Variants in LEPR observed in about 807,000 individuals in gnomAD.
The protein encoded by LEPR is OB receptor.
Under a neutral mutation model 114.7 loss-of-function variants are expected in LEPR, and 56 were observed. That is an observed-to-expected ratio of 0.49 (90% CI 0.39 to 0.61). LEPR has a LOEUF of 0.61. LEPR is among the 20% of genes least tolerant of loss of function. The probability of loss-of-function intolerance (pLI) is 0.00; values close to 1 mark genes in which losing one functional copy is unlikely to be tolerated. For missense variants in LEPR, 1,202 were observed against 1,352.9 expected (o/e 0.89, Z 1.75); for synonymous variants, 443 against 461.4 (o/e 0.96, Z 0.51).
At chr1:65,530,957 C>T (rs1384301980) in intron 2 of LEPR, among the ~76,000 whole-genome samples, 1 of 78,888 alleles carries the variant, frequency 1.3e-5, no homozygotes, top group Non-Finnish European at 2.9e-5. Flanking sequence ...ATTTTTTGCC[C>T]TCTTCAATAC....
At chr1:65,518,891 T>C (rs1336503292) in intron 2 of LEPR, among the ~76,000 whole-genome samples, 998 of 85,586 alleles carry the variant, frequency 0.012, 13 homozygotes, top group Middle Eastern at 0.043. Context: ...CTTTCTTTCT[T>C]TCTTTCTTTC....
In LEPR at chr1:65,617,958, CCT is replaced by C. The variant is rs1557699196; in HGVS notation, c.2213-4_2213-3del. On this transcript the variant is annotated splice_region_variant and splice_polypyrimidine_tract_variant and intron_variant, in intron 15 of 19. Coordinates refer to ENST00000349533, the MANE Select transcript of LEPR (RefSeq NM_002303.6). Reference sequence around the variant, plus strand: ...TTAAAAATTAATTTCCTTCTTTTCCCCTCAGTAAATATCGTGCAGTCACTCAG... The same window carrying C: ...TTAAAAATTAATTTCCTTCTTTTCCCCAGTAAATATCGTGCAGTCACTCAG... The C allele has an allele frequency of 6.2e-7, 1 of 1,602,890 alleles. No individual in the cohort carries two copies. The highest frequency in any genetic ancestry group is 1.1e-5 in the South Asian group (1 of 87,694).
At chr1:65,588,717 A>G (rs1211989125) in intron 5 of LEPR, among the ~76,000 whole-genome samples, 1 of 152,024 alleles carries the variant, frequency 6.6e-6, no homozygotes, top group Non-Finnish European at 1.5e-5. Flanking sequence ...GTGCTTTCAT[A>G]TACATGATTA....
chr1:65,488,137 C>G (rs1254458589), intron 2 of LEPR, among the ~76,000 whole-genome samples: 1 of 124,352 alleles, frequency 8.0e-6, no homozygotes, highest in Non-Finnish European at 1.6e-5. Context: ...TTCCCTCCCT[C>G]CCTCTCCTTC....
intron 5 of LEPR, among the ~76,000 whole-genome samples, chr1:65,577,961 C>T (rs1654709503): frequency 6.6e-6 from 1 of 151,108 alleles, no homozygotes; most frequent in Non-Finnish European, 1.5e-5. Context: ...CCTCCTCTAG[C>T]CTCCCACCCC....
At chr1:65,571,173 C>T (rs891152138) in intron 4 of LEPR, among the ~76,000 whole-genome samples, 1 of 151,954 alleles carries the variant, frequency 6.6e-6, no homozygotes, top group Non-Finnish European at 1.5e-5. Flanking sequence ...CAAGGAATAT[C>T]TCTGAAAGAA....
intron 2 of LEPR, among the ~76,000 whole-genome samples, chr1:65,495,782 A>C (rs1368045282): frequency 1.3e-5 from 2 of 152,204 alleles, no homozygotes; most frequent in African/African-American, 4.8e-5. Flanking sequence ...ATATATGTTA[A>C]GTGGAATAAG....
intron 2 of LEPR, among the ~76,000 whole-genome samples, chr1:65,484,172 T>G (rs1000695015): frequency 6.6e-6 from 1 of 152,078 alleles, no homozygotes; most frequent in African/African-American, 2.4e-5. Context: ...ACTTTTTTAT[T>G]GTGTGTTTGT....
At chr1:65,512,204 C>T (rs2100555523) in intron 2 of LEPR, among the ~76,000 whole-genome samples, 1 of 152,244 alleles carries the variant, frequency 6.6e-6, no homozygotes, top group South Asian at 2.1e-4. Context: ...CTCCCACTCA[C>T]TACCACAAGA....
intron 2 of LEPR, among the ~76,000 whole-genome samples, chr1:65,529,991 G>A (rs527447274): frequency 1.3e-5 from 2 of 152,262 alleles, no homozygotes; most frequent in African/African-American, 4.8e-5. Context: ...GTGTGTTGAT[G>A]ATTCCGAAAG....
At chr1:65,455,066 T>G (rs1216622841) in intron 2 of LEPR, among the ~76,000 whole-genome samples, 1 of 152,254 alleles carries the variant, frequency 6.6e-6, no homozygotes, top group Non-Finnish European at 1.5e-5. Flanking sequence ...TTCTTCCAGT[T>G]GATCGCATCG....
intron 5 of LEPR, among the ~76,000 whole-genome samples, chr1:65,579,824 A>G (rs998756401): frequency 3.3e-5 from 5 of 152,166 alleles, no homozygotes; most frequent in Admixed American, 1.3e-4. Flanking sequence ...ATATAGATAT[A>G]TATAATTTCA....
chr1:65,453,585 C>T lies in LEPR; in HGVS notation c.-21+28207C>T, dbSNP rs1419727308. ...GTTGTTCAGTTTCCATGTAGTTGAGCGGTTTTGAGTGAGATTCTTAATCCT... is the reference window on the plus strand; with the variant it reads ...GTTGTTCAGTTTCCATGTAGTTGAGTGGTTTTGAGTGAGATTCTTAATCCT... On this transcript the variant is annotated intron_variant, in intron 2 of 19. Transcript: ENST00000349533. 1.2e-4 allele frequency among the ~76,000 whole-genome samples: 19 copies of T among 152,146 alleles called. No homozygotes were observed. The South Asian group carries it at 1.5e-3, about 12-fold the overall frequency.
In LEPR at chr1:65,622,687, A is replaced by G. The variant is rs17127807; in HGVS notation, c.2598-219A>G. ...CATGGTGCTTGGCACACAGCTTTCA[A>G]TAAGTATTGGCTATTTCTATTATTA... On this transcript the variant is annotated intron_variant, in intron 18 of 19. Coordinates refer to ENST00000349533, the MANE Select transcript of LEPR (RefSeq NM_002303.6). Among the ~76,000 whole-genome samples, 9,075 of 152,276 alleles carry G rather than the reference A, an allele frequency of 0.06. 609 individuals carry two copies. The highest frequency in any genetic ancestry group is 0.21 in the South Asian group (992 of 4,830).
chr1:65,579,378 G>A (rs1262214173), intron 5 of LEPR, among the ~76,000 whole-genome samples: 1 of 152,126 alleles, frequency 6.6e-6, no homozygotes, highest in Non-Finnish European at 1.5e-5. Context: ...GATAATCGAA[G>A]GGGAGCCATT....
intron 10 of LEPR, among the ~76,000 whole-genome samples, chr1:65,603,872 C>A (rs1308369060): frequency 6.6e-6 from 1 of 151,790 alleles, no homozygotes; most frequent in African/African-American, 2.4e-5. Context: ...TTTAAATTTT[C>A]TTTTCTGAGA....
At chr1:65,565,848 C>A (rs1349312084) in intron 3 of LEPR, among the ~76,000 whole-genome samples, 4 of 149,800 alleles carry the variant, frequency 2.7e-5, no homozygotes, top group Non-Finnish European at 4.5e-5. Context: ...CTCTCTCTCA[C>A]ACACACACAC....
chr1:65,525,058 T>G (rs1291418893), intron 2 of LEPR, among the ~76,000 whole-genome samples: 1 of 152,112 alleles, frequency 6.6e-6, no homozygotes, highest in African/African-American at 2.4e-5. Flanking sequence ...CTCAATCCCC[T>G]CCAAACACCC....
chr1:65,549,632 C>A (rs1470931538), intron 2 of LEPR, among the ~76,000 whole-genome samples: 2 of 152,038 alleles, frequency 1.3e-5, no homozygotes, highest in Admixed American at 1.3e-4. Context: ...GCATTCTTCA[C>A]GTAGTTCTCG....
Sources: allele counts gnomAD v4.1 joint callset (sites outside exome capture counted in the v4.1 genomes callset), GRCh38; gene constraint gnomAD v4.1.1; transcripts MANE v1.5; gene names NCBI Gene and HGNC (gene_info 2026-07-23, HGNC 2026-07-21).